ADK: variants seen among roughly 807,000 people sequenced by gnomAD.
The protein encoded by ADK is N6,N6-dimethyladenosine kinase.
Under a neutral mutation model 44.7 loss-of-function variants are expected in ADK, and 24 were observed. That is an observed-to-expected ratio of 0.54 (90% CI 0.39 to 0.76). ADK has a LOEUF of 0.76. Among genes scored for constraint, ADK ranks in the 30% least tolerant of loss-of-function variants. The probability of loss-of-function intolerance (pLI) is 0.00; values close to 1 mark genes in which losing one functional copy is unlikely to be tolerated. For missense variants in ADK, 321 were observed against 425.1 expected, an observed-to-expected ratio of 0.76 and a Z score of 2.15; for synonymous variants, 128 against 142.6, an observed-to-expected ratio of 0.90 and a Z score of 0.73.
chr10:74,249,496 TACACACACACACAC>T (rs72380023), intron 3 of ADK, among the ~76,000 whole-genome samples: 2 of 149,162 alleles, frequency 1.3e-5, no homozygotes, highest in South Asian at 4.3e-4. Context: ...TGTACATGCA[TACACACACACACAC>T]ACACACACAC....
intron 6 of ADK, among the ~76,000 whole-genome samples, chr10:74,509,759 A>G (rs1325503523): frequency 6.6e-6 from 1 of 152,072 alleles, no homozygotes; most frequent in Non-Finnish European, 1.5e-5. Context: ...CCCAGCCTCC[A>G]ATATCCTCTG....
intron 6 of ADK, among the ~76,000 whole-genome samples, chr10:74,421,964 G>A (rs924204453): frequency 3.3e-5 from 5 of 152,230 alleles, no homozygotes; most frequent in African/African-American, 1.2e-4. Flanking sequence ...CCTGACAGAA[G>A]AATTCCAAAT....
chr10:74,451,065 GC>G (rs1845756361), intron 6 of ADK, among the ~76,000 whole-genome samples: 1 of 110,736 alleles, frequency 9.0e-6, no homozygotes, highest in African/African-American at 3.7e-5. Flanking sequence ...TGGCTCTGCT[GC>G]CTTTTTTTTT....
chr10:74,578,528 G>A (rs1851273091), intron 7 of ADK, among the ~76,000 whole-genome samples: 1 of 152,076 alleles, frequency 6.6e-6, no homozygotes, highest in African/African-American at 2.4e-5. Context: ...AGCAACCATA[G>A]ATAATATGGA....
At chr10:74,391,696 C>CACACACACACAT (rs1156748052) in intron 4 of ADK, among the ~76,000 whole-genome samples, 26 of 150,248 alleles carry the variant, frequency 1.7e-4, no homozygotes, top group African/African-American at 6.1e-4. Flanking sequence ...CACACACACA[C>CACACACACACAT]ATTCTCTTTT....
chr10:74,543,853 ATCTTTTTTTTT>A (rs1181835828), intron 7 of ADK, among the ~76,000 whole-genome samples: 1 of 152,032 alleles, frequency 6.6e-6, no homozygotes, highest in Non-Finnish European at 1.5e-5. Context: ...AGACTCTTTT[ATCTTTTTTTTT>A]TCTTTTTTTT....
chr10:74,349,032 G>A (rs1841871214), intron 4 of ADK, among the ~76,000 whole-genome samples: 1 of 151,974 alleles, frequency 6.6e-6, no homozygotes, highest in Non-Finnish European at 1.5e-5. Flanking sequence ...TAGCAAGACA[G>A]GCCAACACTC....
intron 4 of ADK, among the ~76,000 whole-genome samples, chr10:74,332,499 G>A (rs1322522868): frequency 6.6e-6 from 1 of 152,122 alleles, no homozygotes; most frequent in Admixed American, 6.5e-5. Flanking sequence ...ATTATTCATG[G>A]GAATGTTTTC....
In ADK at chr10:74,620,495, C is replaced by T. The variant is rs1165819309; in HGVS notation, c.877+20002C>T. ...AGTATTCGATCATGTATATATACCA[C>T]ACTTTCTTTATCCATTTATCTGTTG... On this transcript the variant is annotated intron_variant, in intron 9 of 10. Transcript: ENST00000539909. Among the ~76,000 whole-genome samples the T allele has an allele frequency of 2.0e-5, 3 of 152,192 alleles. No individual in the cohort carries two copies. In the East Asian group the frequency reaches 5.8e-4, roughly 29 times the overall value.
At chr10:74,179,321 C>T (rs1196685837) in intron 1 of ADK, among the ~76,000 whole-genome samples, 1 of 152,226 alleles carries the variant, frequency 6.6e-6, no homozygotes, top group Non-Finnish European at 1.5e-5. Flanking sequence ...GCCAGAGCGA[C>T]TCCATCTTGA....
intron 6 of ADK, among the ~76,000 whole-genome samples, chr10:74,411,900 A>G (rs1304673534): frequency 6.6e-6 from 1 of 152,230 alleles, no homozygotes; most frequent in African/African-American, 2.4e-5. Flanking sequence ...AACAGCATTC[A>G]TAGCGTGTTC....
chr10:74,285,889 T>C (rs1232511254), intron 3 of ADK, among the ~76,000 whole-genome samples: 3 of 152,204 alleles, frequency 2.0e-5, no homozygotes, highest in Non-Finnish European at 4.4e-5. Context: ...CCTTTATTTT[T>C]TTAATTTACT....
At chr10:74,407,601 C>T (rs1464551278) in intron 6 of ADK, among the ~76,000 whole-genome samples, 1 of 152,066 alleles carries the variant, frequency 6.6e-6, no homozygotes, top group African/African-American at 2.4e-5. Context: ...TTGCATATCT[C>T]GAGTTCTCAC....
At chr10:74,255,458 G>A (rs886913257) in intron 3 of ADK, among the ~76,000 whole-genome samples, 8 of 152,090 alleles carry the variant, frequency 5.3e-5, no homozygotes, top group Admixed American at 5.2e-4. Flanking sequence ...CCCTGTCATT[G>A]CCTCTTGGTT....
Position 74,619,409 on chromosome 10 carries a change from C to T in ADK, c.877+18916C>T, listed in dbSNP as rs565897265. ...GGCAGAGGTTGCAGTGAGCCAAGAT[C>T]GCACCACTGCACACGAGCCTGGGAG... On this transcript the variant is annotated intron_variant, in intron 9 of 10. Transcript: ENST00000539909. 7.9e-5 allele frequency among the ~76,000 whole-genome samples: 12 copies of T among 151,504 alleles called. 2 individuals carry two copies. In the South Asian group the frequency reaches 2.3e-3, roughly 29 times the overall value.
chr10:74,580,041 A>G (rs1188722330), intron 7 of ADK, among the ~76,000 whole-genome samples: 2 of 152,210 alleles, frequency 1.3e-5, no homozygotes, highest in Non-Finnish European at 2.9e-5. Context: ...TAAAGAATCA[A>G]GTTGTTTTTG....
chr10:74,347,133 A>AAAAAAAAAAAAC (rs1841799384), intron 4 of ADK, among the ~76,000 whole-genome samples: 1 of 148,458 alleles, frequency 6.7e-6, no homozygotes, highest in African/African-American at 2.5e-5. Context: ...AAAAAAAAAA[A>AAAAAAAAAAAAC]AAAAAAAAAG....
chr10:74,227,054 A>G (rs1017861225), intron 3 of ADK, among the ~76,000 whole-genome samples: 1 of 152,210 alleles, frequency 6.6e-6, no homozygotes, highest in Admixed American at 6.5e-5. Context: ...TGTCTTTGCA[A>G]CTCAAATAGC....
intron 2 of ADK, among the ~76,000 whole-genome samples, chr10:74,219,254 G>A (rs1232676393): frequency 6.6e-6 from 1 of 151,522 alleles, no homozygotes; most frequent in Admixed American, 6.6e-5. Context: ...AACCAACAAA[G>A]ATCAAAAGAG....
Sources: gnomAD v4.1 joint callset for allele counts (sites outside exome capture counted in the v4.1 genomes callset) on GRCh38, gnomAD v4.1.1 for gene constraint, MANE v1.5 for transcripts, NCBI Gene and HGNC (gene_info 2026-07-23, HGNC 2026-07-21) for gene names.